The following ARHGEF10 variants were observed in gnomAD, a reference collection of about 807,000 sequenced individuals.
The protein encoded by ARHGEF10 is Rho guanine nucleotide exchange factor 10.
A neutral mutation model predicts 147.4 loss-of-function variants in ARHGEF10; 140 were observed. The observed-to-expected ratio is 0.95, with a 90% confidence interval of 0.83 to 1.09. The LOEUF is 1.09. Ranked by LOEUF, ARHGEF10 falls within the 50% of genes least tolerant of loss-of-function variation. The pLI, the probability that ARHGEF10 is intolerant of heterozygous loss-of-function variation, is 0.00. For missense variants in ARHGEF10, 2,222 were observed against 1,752.7 expected (o/e 1.27, Z -4.78); for synonymous variants, 902 against 695.8 (o/e 1.30, Z -4.67).
chr8:1,833,326 ACAGAGACAGAGG>A (rs1180518115), intron 1 of ARHGEF10, among the ~76,000 whole-genome samples: 13 of 82,012 alleles, frequency 1.6e-4, no homozygotes, highest in African/African-American at 5.5e-4. Flanking sequence ...GCAGAGGGAG[ACAGAGACAGAGG>A]CAGAGACAGA....
At chr8:1,824,970 C>T (rs1236092087) in intron 1 of ARHGEF10, among the ~76,000 whole-genome samples, 1 of 54,916 alleles carries the variant, frequency 1.8e-5, no homozygotes, top group East Asian at 6.2e-4. Flanking sequence ...CCCCACCTGT[C>T]CCCTCGCACC....
chr8:1,907,023 C>T (rs1810948872), intron 17 of ARHGEF10, among the ~76,000 whole-genome samples: 1 of 152,240 alleles, frequency 6.6e-6, no homozygotes, highest in Non-Finnish European at 1.5e-5. Context: ...GGCCACCTGC[C>T]TTCTGTGTGC....
At chr8:1,951,395 C>T (rs1202412136) in intron 27 of ARHGEF10, among the ~76,000 whole-genome samples, 2 of 152,244 alleles carry the variant, frequency 1.3e-5, no homozygotes, top group African/African-American at 2.4e-5. Flanking sequence ...TCACGCCGAC[C>T]AGGCCAACAT....
chr8:1,908,227 ATTT>A (rs11288174), intron 17 of ARHGEF10, among the ~76,000 whole-genome samples: 33 of 110,044 alleles, frequency 3.0e-4, no homozygotes, highest in African/African-American at 9.0e-4. Flanking sequence ...CCACACTTTG[ATTT>A]TTTTTTTTTT....
chr8:1,826,302 G>A (rs1467038065), intron 1 of ARHGEF10, among the ~76,000 whole-genome samples: 1 of 152,204 alleles, frequency 6.6e-6, no homozygotes, highest in Non-Finnish European at 1.5e-5. Flanking sequence ...TTGGTGTGCT[G>A]CCTTTCCTCT....
At chr8:1,940,845 A>G (rs754962538) in intron 26 of ARHGEF10, among the ~76,000 whole-genome samples, 2 of 152,254 alleles carry the variant, frequency 1.3e-5, no homozygotes, top group African/African-American at 2.4e-5. Context: ...GGAATGCATC[A>G]CATTAACAGA....
chr8:1,900,290 A>C (rs1317921717), intron 15 of ARHGEF10, among the ~76,000 whole-genome samples: 4 of 152,092 alleles, frequency 2.6e-5, no homozygotes, highest in Admixed American at 2.6e-4. Context: ...AAAAGCCTCT[A>C]CCGGGATTTT....
intron 4 of ARHGEF10, among the ~76,000 whole-genome samples, chr8:1,862,395 A>C (rs1806205864): frequency 6.6e-6 from 1 of 152,362 alleles, no homozygotes; most frequent in South Asian, 2.1e-4. Context: ...CAGCTCTCAA[A>C]GACGTCCACA....
At chr8:1,835,001 C>T (rs1257633704) in intron 1 of ARHGEF10, among the ~76,000 whole-genome samples, 1 of 152,246 alleles carries the variant, frequency 6.6e-6, no homozygotes, top group African/African-American at 2.4e-5. Flanking sequence ...GCATCATTCG[C>T]CAAGCGGGTC....
intron 3 of ARHGEF10, 141 bp from the exon 4 acceptor site, chr8:1,859,756 C>T (rs752403099): frequency 1.3e-5 from 13 of 1,030,502 alleles, no homozygotes; most frequent in Non-Finnish European, 1.9e-5. Flanking sequence ...CCGAGGCCAC[C>T]TGATGACCTG....
rs142997361 is a variant in ARHGEF10 at position 1,931,692 on chromosome 8, A to G, written c.3080-2108A>G. 4.8e-3 allele frequency among the ~76,000 whole-genome samples: 729 copies of G among 152,340 alleles called. 7 individuals carry two copies. Among genetic ancestry groups the G allele is most frequent in the African/African-American group, 0.017 (699 of 41,592 alleles). On this transcript the variant is annotated intron_variant, in intron 25 of 28. Transcript: ENST00000349830. ...CTTCCTAGCCCCTCACTGTTGCCAG[A>G]GCTCTGAGCTTTCAAGGGACTTAAA... is the stretch of plus-strand genomic sequence containing the variant.
chr8:1,928,906 G>C (rs1812894555), intron 24 of ARHGEF10, among the ~76,000 whole-genome samples: 1 of 152,152 alleles, frequency 6.6e-6, no homozygotes, highest in Non-Finnish European at 1.5e-5. Flanking sequence ...GTTTGCCACT[G>C]AAATGTCTCA....
At chr8:1,952,965 ACT>A in intron 28 of ARHGEF10, 138 bp downstream of exon 28, 1 of 1,215,622 alleles carries the variant, frequency 8.2e-7, no homozygotes, top group Non-Finnish European at 1.1e-6. Flanking sequence ...TATTATAATG[ACT>A]TAATAGACTG....
chr8:1,872,820 G>T (rs967380092), intron 7 of ARHGEF10, among the ~76,000 whole-genome samples: 1 of 152,166 alleles, frequency 6.6e-6, no homozygotes, highest in Admixed American at 6.5e-5. Flanking sequence ...GTTACATACC[G>T]AATAGTAGAT....
intron 18 of ARHGEF10, among the ~76,000 whole-genome samples, chr8:1,912,600 G>A (rs1394603349): frequency 8.7e-6 from 1 of 115,226 alleles, no homozygotes; most frequent in Non-Finnish European, 2.0e-5. Context: ...TGTGGATCGC[G>A]GGTTTGCTCT....
At position 1,866,021 on chromosome 8, in the gene ARHGEF10, C is replaced by G. The variant is rs1441371398; in HGVS notation, c.546-505C>G. 3.3e-5 allele frequency among the ~76,000 whole-genome samples: 5 copies of G among 152,348 alleles called. No homozygotes were observed. In the East Asian group the frequency reaches 5.8e-4, roughly 18 times the overall value. On this transcript the variant is annotated intron_variant, in intron 5 of 28. Transcript: ENST00000349830. ...CCATTGCAAAGGATGACACCGCAGTCCCTGTGTGTGTGGGACTCTGGTGGC... is the reference window on the plus strand; with the variant it reads ...CCATTGCAAAGGATGACACCGCAGTGCCTGTGTGTGTGGGACTCTGGTGGC...
intron 3 of ARHGEF10, 128 bp downstream of exon 3, chr8:1,858,243 C>CCCATGTGAGTCA: frequency 7.5e-6 from 6 of 799,122 alleles, no homozygotes; most frequent in Non-Finnish European, 1.2e-5. Context: ...CAGGTGGGTC[C>CCCATGTGAGTCA]CCAGGTGAGT....
intron 15 of ARHGEF10, 100 bp downstream of exon 15, chr8:1,898,625 C>T (rs544671445): frequency 4.2e-5 from 50 of 1,180,400 alleles, no homozygotes; most frequent in East Asian, 3.3e-4. Flanking sequence ...GGCTGCCCCT[C>T]GGGCCTCCTC....
In ARHGEF10 at chr8:1,909,398, A is replaced by G. The variant is rs1426486238; in HGVS notation, c.2071A>G (p.Thr691Ala). Residue 691 changes from threonine (T) to alanine (A), a missense_variant, in exon 18 of 29, where the codon ACG (threonine) becomes GCG (alanine). Coordinates refer to ENST00000349830, the MANE Select transcript of ARHGEF10 (RefSeq NM_014629.4). ...DAIEYGSSAG[T>A]GEHSRHLAVH... is the part of the protein sequence containing the mutation. ...CATCGAGTATGGCAGCAGCGCAGGC[A>G]CGGGCGAGCACAGCAGGCACCTTGC... 3 of 1,614,122 alleles carry G rather than the reference A, an allele frequency of 1.9e-6. No individual in the cohort carries two copies. In the Admixed American group the frequency reaches 5.0e-5, roughly 27 times the overall value.
Sources: gnomAD v4.1 joint callset for allele counts (sites outside exome capture counted in the v4.1 genomes callset) on GRCh38, gnomAD v4.1.1 for gene constraint, MANE v1.5 for transcripts, NCBI Gene and HGNC (gene_info 2026-07-23, HGNC 2026-07-21) for gene names.